ACTR1A: variants seen among roughly 807,000 people sequenced by gnomAD.
ACTR1A encodes alpha-centractin.
In ACTR1A, 10 loss-of-function variants were observed where a neutral mutation model predicts 50.7. That is an observed-to-expected ratio of 0.20 (90% CI 0.12 to 0.33). The LOEUF is 0.33. Among genes scored for constraint, ACTR1A ranks in the 10% least tolerant of loss-of-function variants. The pLI is 1.00. For synonymous variants in ACTR1A, 177 were observed against 184.2 expected (o/e 0.96, Z 0.32); for missense variants, 253 against 491.7 (o/e 0.51, Z 4.59).
At chr10:102,490,957 C>T (rs563728096) in intron 1 of ACTR1A, among the ~76,000 whole-genome samples, 1 of 151,602 alleles carries the variant, frequency 6.6e-6, no homozygotes, top group South Asian at 2.1e-4. Context: ...TGTGCCACTG[C>T]ACTCCAGCCT....
At chr10:102,502,216 G>T (rs985759450) in intron 1 of ACTR1A, among the ~76,000 whole-genome samples, 3 of 152,354 alleles carry the variant, frequency 2.0e-5, no homozygotes, top group Admixed American at 2.0e-4. Context: ...CAGAGGCCTA[G>T]CCTCATCCGG....
chr10:102,501,134 G>A (rs572824441), intron 1 of ACTR1A, among the ~76,000 whole-genome samples: 3 of 151,482 alleles, frequency 2.0e-5, no homozygotes, highest in African/African-American at 7.3e-5. Flanking sequence ...CCTTTCTAAG[G>A]GGGAATAATA....
intron 1 of ACTR1A, among the ~76,000 whole-genome samples, chr10:102,500,600 C>A (rs7097852): frequency 0.44 from 57,565 of 130,436 alleles, 17,596 homozygotes; most frequent in East Asian, 0.66. Flanking sequence ...AACAAACAAA[C>A]AAACAAAAAT....
chr10:102,498,353 A>G (rs955656993), intron 1 of ACTR1A, among the ~76,000 whole-genome samples: 21 of 151,420 alleles, frequency 1.4e-4, no homozygotes, highest in Non-Finnish European at 3.1e-4. Context: ...GGGCTGAAGC[A>G]GCACAACATC....
In ACTR1A at chr10:102,488,295, C is replaced by T; in HGVS notation, c.190-20G>A. On this transcript the variant is annotated intron_variant, in intron 3 of 10. Coordinates refer to ENST00000369905, the MANE Select transcript of ACTR1A (RefSeq NM_005736.4). This position sits in a 1 kb window ranked among gnomAD's most constrained non-coding sequence, Gnocchi z 4.4. The stretch of plus-strand genomic sequence containing the variant: ...GTGCTCCTGGGAAAAGAGAACAGGA[C>T]TTACGACTGCAGTCAGGCTCCACCC... The T allele has an allele frequency of 6.2e-7, 1 of 1,608,788 alleles. No homozygotes were observed. Among genetic ancestry groups the T allele is most frequent in the Admixed American group, 1.7e-5 (1 of 59,942 alleles).
chr10:102,492,798 G>A (rs757664760), intron 1 of ACTR1A, among the ~76,000 whole-genome samples: 6 of 152,014 alleles, frequency 3.9e-5, no homozygotes, highest in Admixed American at 1.3e-4. Flanking sequence ...AGGCCAGGGA[G>A]TTCAAGGCCA....
intron 4 of ACTR1A, among the ~76,000 whole-genome samples, chr10:102,487,370 C>T (rs1482624264): frequency 1.3e-5 from 2 of 152,028 alleles, no homozygotes; most frequent in East Asian, 1.9e-4. Flanking sequence ...GCCTAGATCA[C>T]GCCATTGCAC....
At chr10:102,484,106 G>C in intron 6 of ACTR1A, 54 bp downstream of exon 6, 1 of 1,572,368 alleles carries the variant, frequency 6.4e-7, no homozygotes, top group Non-Finnish European at 8.7e-7. Context: ...CAAGGTCCTG[G>C]GTGCTATGCT....
rs2062178969 is a variant in ACTR1A at position 102,488,420 on chromosome 10, A to C, written c.190-145T>G. Reference sequence around the variant, plus strand: ...ACCCTGCTGTCCTTGCCCAGGGCTAAGGGTGGGCACTCATTCTCCAAGGCT... The same window carrying C: ...ACCCTGCTGTCCTTGCCCAGGGCTACGGGTGGGCACTCATTCTCCAAGGCT... On this transcript the variant is annotated intron_variant, in intron 3 of 10. Coordinates refer to ENST00000369905, the MANE Select transcript of ACTR1A (RefSeq NM_005736.4). The surrounding 1 kb of genome is among the most constrained non-coding windows in gnomAD (Gnocchi z 4.4). 1.7e-6 allele frequency: 2 copies of C among 1,184,822 alleles called. No homozygotes were observed. The highest frequency in any genetic ancestry group is 3.0e-5 in the African/African-American group (2 of 65,900). The allele number at this position is 1,184,822 out of a possible 1,614,324, so 73.4% of individuals were successfully genotyped here. A position where few individuals can be genotyped will look rare whatever the true frequency, so the allele number is the denominator to read the frequency against.
intron 1 of ACTR1A, among the ~76,000 whole-genome samples, chr10:102,498,195 C>CA (rs946451274): frequency 2.0e-5 from 3 of 150,984 alleles, no homozygotes; most frequent in South Asian, 2.1e-4. Context: ...AACACTAAAG[C>CA]AAAAAAAATA....
Position 102,480,276 on chromosome 10 carries a change from G to T in ACTR1A, c.*587C>A. 1 of 160,294 alleles carries T rather than the reference G, an allele frequency of 6.2e-6. No homozygotes were observed. The highest frequency in any genetic ancestry group is 1.4e-5 in the Non-Finnish European group (1 of 72,436). The allele number at this position is 160,294 out of a possible 1,614,324, so 9.9% of individuals were successfully genotyped here. Reference sequence around the variant, plus strand: ...GGCCGGTGTGGTCCTGTTCCCTGGTGAACATGAGGGCCTCCTGCTCTCTCC... The same window carrying T: ...GGCCGGTGTGGTCCTGTTCCCTGGTTAACATGAGGGCCTCCTGCTCTCTCC... On this transcript the variant is annotated 3_prime_UTR_variant, in exon 11 of 11. Coordinates refer to ENST00000369905, the MANE Select transcript of ACTR1A (RefSeq NM_005736.4).
intron 4 of ACTR1A, among the ~76,000 whole-genome samples, chr10:102,486,649 C>T (rs1443251990): frequency 6.6e-6 from 1 of 152,036 alleles, no homozygotes; most frequent in African/African-American, 2.4e-5. Context: ...GCCGAGATTG[C>T]GCCATTGCAC....
chr10:102,493,001 C>CAAAAAAAAAAAAAAAAA (rs398014648), intron 1 of ACTR1A, among the ~76,000 whole-genome samples: 1,367 of 48,870 alleles, frequency 0.028, 246 homozygotes, highest in Non-Finnish European at 0.032. Flanking sequence ...GACTCCACCT[C>CAAAAAAAAAAAAAAAAA]AAAAAAAAAA....
chr10:102,490,468 C>A, intron 2 of ACTR1A, 81 bp downstream of exon 2: 1 of 1,160,540 alleles, frequency 8.6e-7, no homozygotes, highest in Middle Eastern at 2.0e-4. Context: ...TGACTCCAAA[C>A]TCGGCTCCTG....
Position 102,485,644 on chromosome 10 carries a change from G to A in ACTR1A, c.405C>T (p.Pro135=), listed in dbSNP as rs375356886. 1.2e-5 allele frequency: 19 copies of A among 1,613,856 alleles called. No individual in the cohort carries two copies. The highest frequency in any genetic ancestry group is 5.3e-5 in the African/African-American group (4 of 74,934). ...AEVFFETFNV[P]ALFISMQAVL... ...CAGCTTGCATGGAGATGAAAAGAGCGGGCACATTGAAGGTCTCGAAGAAAA... is the reference window on the plus strand; with the variant it reads ...CAGCTTGCATGGAGATGAAAAGAGCAGGCACATTGAAGGTCTCGAAGAAAA... The change falls in exon 5 of 11, where the codon CCC becomes CCT. Residue 135 remains proline, a synonymous_variant. Transcript: ENST00000369905.
intron 1 of ACTR1A, among the ~76,000 whole-genome samples, chr10:102,492,066 G>A (rs1039720358): frequency 7.8e-5 from 8 of 102,138 alleles, no homozygotes; most frequent in African/African-American, 1.2e-4. Flanking sequence ...CACCGTGCCC[G>A]GCCTTTTTTT....
Position 102,485,508 on chromosome 10 carries a change from G to T in ACTR1A, c.440+101C>A, listed in dbSNP as rs192500346. ...CATCTTTAACCTTTCCCTAGCAGAG[G>T]GGGCTCAAGTTACTCTGAACCATTC... On this transcript the variant is annotated intron_variant, in intron 5 of 10. Coordinates refer to ENST00000369905, the MANE Select transcript of ACTR1A (RefSeq NM_005736.4). 7.2e-4 allele frequency: 1,080 copies of T among 1,495,770 alleles called. 6 individuals carry two copies. Among genetic ancestry groups the T allele is most frequent in the Non-Finnish European group, 8.0e-5 (87 of 1,092,958 alleles). The allele number at this position is 1,495,770 out of a possible 1,614,324, so 92.7% of individuals were successfully genotyped here.
chr10:102,501,102 T>C (rs2062249114), intron 1 of ACTR1A, among the ~76,000 whole-genome samples: 1 of 149,900 alleles, frequency 6.7e-6, no homozygotes, highest in African/African-American at 2.5e-5. Context: ...AAATGAGCTG[T>C]CTCATTGAGC....
At chr10:102,493,001 CAAAAA>C (rs398014648) in intron 1 of ACTR1A, among the ~76,000 whole-genome samples, 12 of 48,934 alleles carry the variant, frequency 2.5e-4, no homozygotes, top group Admixed American at 1.4e-3. Flanking sequence ...GACTCCACCT[CAAAAA>C]AAAAAAAAAA....
Sources: gnomAD v4.1 joint callset for allele counts (sites outside exome capture counted in the v4.1 genomes callset) on GRCh38, gnomAD v4.1.1 for gene constraint, Gnocchi (gnomAD v3.1) non-coding constraint, MANE v1.5 for transcripts, NCBI Gene and HGNC (gene_info 2026-07-23, HGNC 2026-07-21) for gene names.